ANKRD27: variants seen among roughly 807,000 people sequenced by gnomAD.
The protein encoded by ANKRD27 is ankyrin repeat domain 27.
ANKRD27 carries 112 observed loss-of-function variants against 129.7 expected under a neutral mutation model. That is an observed-to-expected ratio of 0.86 (90% confidence interval 0.74 to 1.01). The LOEUF is 1.01. Ranked by LOEUF, ANKRD27 falls within the 50% of genes least tolerant of loss-of-function variation. ANKRD27 has a pLI of 0.00. For synonymous variants in ANKRD27, 516 were observed against 511.2 expected (o/e 1.01, Z -0.13); for missense variants, 1,258 against 1,300.5 (o/e 0.97, Z 0.50).
chr19:32,623,898 C>A (rs1972050903), intron 17 of ANKRD27, among the ~76,000 whole-genome samples: 1 of 152,120 alleles, frequency 6.6e-6, no homozygotes, highest in African/African-American at 2.4e-5. Flanking sequence ...CTGGACTCCA[C>A]CACGTGCCTG....
chr19:32,656,568 C>T (rs770674098), intron 2 of ANKRD27, among the ~76,000 whole-genome samples: 2 of 152,098 alleles, frequency 1.3e-5, no homozygotes, highest in African/African-American at 4.8e-5. Flanking sequence ...AGGAGGATCA[C>T]TTGAGGCCAG....
chr19:32,625,890 G>A lies in ANKRD27; in HGVS notation c.1613C>T (p.Thr538Ile). The A allele has an allele frequency of 1.2e-6, 2 of 1,607,582 alleles. No homozygotes were observed. Among genetic ancestry groups the A allele is most frequent in the East Asian group, 2.2e-5 (1 of 44,526 alleles). Residue 538 changes from threonine to isoleucine, a missense_variant, in exon 17 of 29, where the codon ACC (threonine) becomes ATC (isoleucine). Physicochemically the swap from Thr to Ile is moderately conservative, Grantham distance 89. Transcript: ENST00000306065. ...GCCACTCACGTCCTCGTGGCCGTAG[G>A]TGCAGGCCAGGTGGAGTGGCGTATT... Reference protein sequence around the residue: ...NGNTPLHLACTYGHEDCVKAL... With the variant: ...NGNTPLHLACIYGHEDCVKAL...
At position 32,598,181 on chromosome 19, in the gene ANKRD27, G is replaced by GA. The variant is rs1373007440; in HGVS notation, c.3116dup (p.Ser1040LeufsTer7). ...AAGCACTAACCTCTTGGGGAGTGGA[G>GA]AGGGGGCCAGCAGCCTCCGGGCCCT... is the stretch of plus-strand genomic sequence containing the variant. On this transcript the variant is annotated frameshift_variant, in exon 29 of 29. Coordinates refer to ENST00000306065, the MANE Select transcript of ANKRD27 (RefSeq NM_032139.3). LOFTEE classifies it low-confidence loss of function (END_TRUNC). 2 of 1,614,144 alleles carry GA rather than the reference G, an allele frequency of 1.2e-6. No homozygotes were observed. The highest frequency in any genetic ancestry group is 2.2e-5 in the South Asian group (2 of 91,086).
chr19:32,620,629 G>A (rs1448821290), intron 18 of ANKRD27, among the ~76,000 whole-genome samples: 1 of 151,486 alleles, frequency 6.6e-6, no homozygotes, highest in Non-Finnish European at 1.5e-5. Context: ...GCTCACACCT[G>A]TAATCCCAGC....
intron 25 of ANKRD27, among the ~76,000 whole-genome samples, chr19:32,603,881 C>A (rs907512950): frequency 2.4e-4 from 36 of 152,204 alleles, no homozygotes; most frequent in African/African-American, 7.7e-4. Context: ...CCTTCTCCAT[C>A]GTGCTGCTAA....
In ANKRD27 at chr19:32,604,444, G is replaced by A. The variant is rs552487336; in HGVS notation, c.2494-20C>T. The A allele has an allele frequency of 7.0e-6, 11 of 1,579,782 alleles. No individual in the cohort carries two copies. The highest frequency in any genetic ancestry group is 2.3e-5 in the East Asian group (1 of 44,136). Reference sequence around the variant, plus strand: ...CCCGTGCTGGAAAGAGAAACCACACGATCAAAAGGAACGCTACGAAACGTC... The same window carrying A: ...CCCGTGCTGGAAAGAGAAACCACACAATCAAAAGGAACGCTACGAAACGTC... On this transcript the variant is annotated intron_variant, in intron 24 of 28. Transcript: ENST00000306065.
chr19:32,633,196 A>G (rs776995122), intron 12 of ANKRD27, among the ~76,000 whole-genome samples: 4 of 152,216 alleles, frequency 2.6e-5, no homozygotes, highest in African/African-American at 4.8e-5. Context: ...CTATTGGAAG[A>G]GAGGGGGTAT....
In ANKRD27 at chr19:32,656,108, A is replaced by AAAGAAAG. The variant is rs3042683; in HGVS notation, c.102+2805_102+2806insCTTTCTT. Among the ~76,000 whole-genome samples the AAAGAAAG allele has an allele frequency of 1.6e-3, 164 of 103,106 alleles. 1 individual carries two copies. Among genetic ancestry groups the AAAGAAAG allele is most frequent in the African/African-American group, 4.9e-3 (128 of 25,926 alleles). The allele number at this position is 103,106 out of a possible 152,430, so 67.6% of individuals were successfully genotyped here. On this transcript the variant is annotated intron_variant, in intron 2 of 28. Transcript: ENST00000306065. ...GAAAGAAAGAAAGAAAGAAAGAAAG[A>AAAGAAAG]AAAGAAAAGAAAAGAAAAGAAAAGA...
chr19:32,605,920 G>A lies in ANKRD27; in HGVS notation c.2408C>T (p.Pro803Leu). 3.1e-6 allele frequency: 5 copies of A among 1,613,920 alleles called. No individual in the cohort carries two copies. Among genetic ancestry groups the A allele is most frequent in the Non-Finnish European group, 2.5e-6 (3 of 1,179,952 alleles). Residue 803 changes from proline (P) to leucine (L), a missense_variant, in exon 24 of 29, where the codon CCC becomes CTC. By Grantham distance (98) the Pro-to-Leu change is moderately conservative. Coordinates refer to ENST00000306065, the MANE Select transcript of ANKRD27 (RefSeq NM_032139.3). ...GTTTCCACTGAGGTCCTTCTTATTG[G>A]GTTTTGCATTCGAATCTAACAGACA... ...VKCLLDSNAK[P>L]NKKDLSGNTP...
At chr19:32,658,427 C>T (rs531240987) in intron 2 of ANKRD27, among the ~76,000 whole-genome samples, 1 of 152,314 alleles carries the variant, frequency 6.6e-6, no homozygotes, top group Non-Finnish European at 1.5e-5. Flanking sequence ...GTGGCCTCTA[C>T]CAGAAAAGTT....
chr19:32,649,642 C>A, intron 3 of ANKRD27, 40 bp downstream of exon 3: 1 of 1,396,540 alleles, frequency 7.2e-7, no homozygotes, highest in South Asian at 1.2e-5. Context: ...CCCCAAACAC[C>A]GAGTAGGTGA....
chr19:32,621,255 G>A (rs1164928863), intron 18 of ANKRD27, among the ~76,000 whole-genome samples: 4 of 152,218 alleles, frequency 2.6e-5, no homozygotes, highest in Non-Finnish European at 5.9e-5. Flanking sequence ...GCCAAGGTGA[G>A]AGGATCACTT....
chr19:32,628,104 G>T lies in ANKRD27; in HGVS notation c.1399C>A (p.Leu467Ile), dbSNP rs1966923425. Residue 467 changes from leucine (L) to isoleucine (I), a missense_variant, in exon 15 of 29, where the codon CTC becomes ATC. Leu to Ile is a conservative substitution (Grantham distance 5). Coordinates refer to ENST00000306065, the MANE Select transcript of ANKRD27 (RefSeq NM_032139.3). The stretch of plus-strand genomic sequence containing the variant: ...ATACCACAGACAGCAGCCACATGGA[G>T]AGGGGTGTGCCCCCTGTCGTCTCTG... Reference protein sequence around the residue: ...FSRDDRGHTPLHVAAVCGQAS... With the variant: ...FSRDDRGHTPIHVAAVCGQAS... 6.2e-7 allele frequency: 1 copy of T among 1,614,120 alleles called. No individual in the cohort carries two copies.
intron 2 of ANKRD27, among the ~76,000 whole-genome samples, chr19:32,657,579 C>T (rs1423254466): frequency 4.0e-5 from 6 of 150,900 alleles, no homozygotes; most frequent in Non-Finnish European, 2.9e-5. Context: ...GTCGAGATTG[C>T]GCCACTGCAC....
intron 1 of ANKRD27, among the ~76,000 whole-genome samples, chr19:32,672,143 C>T (rs76279210): frequency 0.015 from 2,294 of 152,326 alleles, 47 homozygotes; most frequent in East Asian, 0.052. Context: ...TGGCCGTTCC[C>T]GCCCTTCCGG....
intron 20 of ANKRD27, among the ~76,000 whole-genome samples, chr19:32,618,442 T>C (rs536653574): frequency 1.3e-3 from 124 of 96,176 alleles, no homozygotes; most frequent in African/African-American, 4.6e-3. Context: ...TGAGACCGTG[T>C]CCCAAAAAGA....
intron 3 of ANKRD27, among the ~76,000 whole-genome samples, chr19:32,648,703 G>A (rs1967350460): frequency 1.3e-5 from 2 of 151,974 alleles, no homozygotes; most frequent in African/African-American, 2.4e-5. Context: ...GGGAGGCTGA[G>A]GCAGGAGAAT....
chr19:32,668,111 C>A (rs1429047131), intron 1 of ANKRD27, among the ~76,000 whole-genome samples: 2 of 152,104 alleles, frequency 1.3e-5, no homozygotes, highest in African/African-American at 4.8e-5. Flanking sequence ...GTCCTTGTAC[C>A]AGGCACTGCA....
At chr19:32,601,372 A>G (rs753406946) in intron 26 of ANKRD27, among the ~76,000 whole-genome samples, 45 of 151,982 alleles carry the variant, frequency 3.0e-4, no homozygotes, top group Middle Eastern at 3.4e-3. Flanking sequence ...CAAGGCGGGC[A>G]GATCACGAGG....
Sources: allele counts gnomAD v4.1 joint callset (sites outside exome capture counted in the v4.1 genomes callset), GRCh38; gene constraint gnomAD v4.1.1; transcripts MANE v1.5; gene names NCBI Gene and HGNC (gene_info 2026-07-23, HGNC 2026-07-21).